The following NRXN1 variants were observed in gnomAD, a reference collection of about 807,000 sequenced individuals.
The protein encoded by NRXN1 is neurexin 1.
NRXN1 carries 39 observed loss-of-function variants against 150.9 expected under a neutral mutation model. The ratio of observed to expected loss-of-function variants is 0.26; its 90% CI spans 0.20 to 0.34. The LOEUF is 0.34. Ranked by LOEUF, NRXN1 falls within the 10% of genes least tolerant of loss-of-function variation. The pLI is 1.00. For missense variants in NRXN1, 1,815 were observed against 1,949.9 expected (o/e 0.93, Z 1.30); for synonymous variants, 924 against 757.0 (o/e 1.22, Z -3.62).
chr2:50,296,201 G>A (rs2073539167), intron 17 of NRXN1, among the ~76,000 whole-genome samples: 1 of 152,090 alleles, frequency 6.6e-6, no homozygotes, highest in Non-Finnish European at 1.5e-5. Flanking sequence ...TTTAATTACA[G>A]AACTACAATG....
chr2:50,473,752 T>C (rs1990666), intron 15 of NRXN1, among the ~76,000 whole-genome samples: 80,273 of 151,836 alleles, frequency 0.53, 21,631 homozygotes, highest in Middle Eastern at 0.59. Flanking sequence ...ACACAGACTG[T>C]TGAGCTGTGA....
intron 17 of NRXN1, among the ~76,000 whole-genome samples, chr2:50,322,034 C>CAAA (rs10707210): frequency 8.5e-6 from 1 of 117,590 alleles, no homozygotes. Context: ...ATTACAACAT[C>CAAA]AAAAAAAAAA....
chr2:50,179,761 C>G (rs1418148419), intron 18 of NRXN1, among the ~76,000 whole-genome samples: 1 of 151,994 alleles, frequency 6.6e-6, no homozygotes, highest in Non-Finnish European at 1.5e-5. Context: ...TCCAGAAGAG[C>G]TCTTAAAGAA....
In NRXN1 at chr2:50,254,332, T is replaced by C. The variant is rs1226732377; in HGVS notation, c.3365-17362A>G. Among the ~76,000 whole-genome samples the C allele has an allele frequency of 2.6e-5, 4 of 151,864 alleles. 1 individual carries two copies. Among genetic ancestry groups the C allele is most frequent in the Admixed American group, 1.3e-4 (2 of 15,242 alleles). ...TTTTTTATTAGTCTAGCTATCAGTC[T>C]ATCTGTCTTATTATTTTTTTTCAAA... is the stretch of plus-strand genomic sequence containing the variant. On this transcript the variant is annotated intron_variant, in intron 17 of 22. Transcript: ENST00000401669.
intron 17 of NRXN1, among the ~76,000 whole-genome samples, chr2:50,264,099 G>A (rs1170549443): frequency 6.6e-6 from 1 of 152,092 alleles, no homozygotes; most frequent in Non-Finnish European, 1.5e-5. Context: ...ACTATCTTAT[G>A]CAGTAGGACT....
chr2:50,474,567 A>G (rs908630831), intron 15 of NRXN1, among the ~76,000 whole-genome samples: 2 of 151,222 alleles, frequency 1.3e-5, no homozygotes, highest in African/African-American at 4.9e-5. Context: ...CTCTGAAAAG[A>G]AATGGCTGCA....
chr2:50,082,127 A>C (rs957383059), intron 19 of NRXN1, among the ~76,000 whole-genome samples: 7 of 152,094 alleles, frequency 4.6e-5, no homozygotes, highest in African/African-American at 1.4e-4. Flanking sequence ...TAAAAGCTAG[A>C]TTTCTGCATT....
At chr2:50,836,971 G>A (rs976527541) in intron 5 of NRXN1, among the ~76,000 whole-genome samples, 16 of 151,434 alleles carry the variant, frequency 1.1e-4, no homozygotes, top group Admixed American at 9.2e-4. Context: ...TTTAAAATCA[G>A]TATCCTGAGC....
At chr2:50,238,259 T>G (rs933750333) in intron 17 of NRXN1, among the ~76,000 whole-genome samples, 1 of 152,040 alleles carries the variant, frequency 6.6e-6, no homozygotes, top group Non-Finnish European at 1.5e-5. Flanking sequence ...AGATTGGATT[T>G]TCCCTCTGTC....
chr2:50,527,223 G>A (rs1217023228), intron 12 of NRXN1, among the ~76,000 whole-genome samples: 1 of 152,184 alleles, frequency 6.6e-6, no homozygotes, highest in African/African-American at 2.4e-5. Flanking sequence ...TACAGCCAGA[G>A]TGAGGCACAG....
intron 21 of NRXN1, among the ~76,000 whole-genome samples, chr2:50,012,655 T>A (rs1019902078): frequency 1.6e-4 from 25 of 152,082 alleles, no homozygotes; most frequent in Non-Finnish European, 3.7e-4. Flanking sequence ...TAACAGTATA[T>A]CCAAAGATTC....
At chr2:50,150,997 C>T (rs2058664588) in intron 18 of NRXN1, among the ~76,000 whole-genome samples, 1 of 151,830 alleles carries the variant, frequency 6.6e-6, no homozygotes, top group South Asian at 2.1e-4. Flanking sequence ...TCAAAAAACT[C>T]AGATTTGTTT....
At chr2:50,061,187 A>G (rs931457355) in intron 19 of NRXN1, among the ~76,000 whole-genome samples, 5 of 152,218 alleles carry the variant, frequency 3.3e-5, no homozygotes, top group African/African-American at 1.2e-4. Context: ...GTAAAATATC[A>G]TTCAGTAGCT....
chr2:50,295,448 AG>A (rs2073446718), intron 17 of NRXN1, among the ~76,000 whole-genome samples: 1 of 152,212 alleles, frequency 6.6e-6, no homozygotes. Flanking sequence ...ATATTGAGGA[AG>A]AGTAAATAAT....
chr2:50,930,686 G>T (rs1182069523), intron 2 of NRXN1, among the ~76,000 whole-genome samples: 1 of 152,250 alleles, frequency 6.6e-6, no homozygotes, highest in East Asian at 1.9e-4. Context: ...AAGGAACACT[G>T]AATTTAACAG....
At chr2:50,294,920 C>T (rs914768499) in intron 17 of NRXN1, among the ~76,000 whole-genome samples, 8 of 152,230 alleles carry the variant, frequency 5.3e-5, no homozygotes, top group African/African-American at 1.4e-4. Flanking sequence ...GAGGAACAGA[C>T]GAGACAGAAT....
intron 5 of NRXN1, among the ~76,000 whole-genome samples, chr2:50,799,213 T>A (rs566555930): frequency 2.6e-5 from 4 of 152,322 alleles, no homozygotes; most frequent in African/African-American, 9.6e-5. Flanking sequence ...GGTCAATGGA[T>A]GAGTTATTTG....
intron 2 of NRXN1, among the ~76,000 whole-genome samples, chr2:51,026,942 C>T (rs1247626109): frequency 6.6e-6 from 1 of 152,200 alleles, no homozygotes; most frequent in East Asian, 1.9e-4. Context: ...ACCGCTCTAT[C>T]TGCAAAAGGC....
chr2:50,080,088 C>T (rs899187952), intron 19 of NRXN1, among the ~76,000 whole-genome samples: 5 of 151,998 alleles, frequency 3.3e-5, no homozygotes, highest in African/African-American at 1.2e-4. Flanking sequence ...TGAATCATCC[C>T]GTTTTCTAGT....
Sources: gnomAD v4.1 joint callset for allele counts (sites outside exome capture counted in the v4.1 genomes callset) on GRCh38, gnomAD v4.1.1 for gene constraint, MANE v1.5 for transcripts, NCBI Gene and HGNC (gene_info 2026-07-23, HGNC 2026-07-21) for gene names.